The following ANO4 variants were observed in gnomAD, a reference collection of about 807,000 sequenced individuals.
ANO4 encodes anoctamin-4.
ANO4 carries 69 observed loss-of-function variants against 141.9 expected under a neutral mutation model. The ratio of observed to expected loss-of-function variants is 0.49; its 90% CI spans 0.40 to 0.59. The LOEUF (loss-of-function observed/expected upper bound fraction) is 0.59, where lower values mean the gene tolerates loss of function less well. ANO4 is among the 20% of genes least tolerant of loss of function. The pLI, the probability that ANO4 is intolerant of heterozygous loss-of-function variation, is 0.00. For synonymous variants in ANO4, 350 were observed against 394.3 expected, an observed-to-expected ratio of 0.89 and a Z score of 1.33; for missense variants, 894 against 1,162.2, an observed-to-expected ratio of 0.77 and a Z score of 3.36.
At position 100,784,970 on chromosome 12, in the gene ANO4, CTCTT is replaced by C. The variant is rs151272478; in HGVS notation, c.358+44869_358+44872del. Among the ~76,000 whole-genome samples the C allele has an allele frequency of 3.3e-3, 498 of 151,862 alleles. 2 individuals are homozygous for C. The highest frequency in any genetic ancestry group is 0.011 in the African/African-American group (471 of 41,404). On this transcript the variant is annotated intron_variant, in intron 3 of 29. Coordinates refer to the ANO4 transcript ENST00000644049. ...TTCTTTCTTCTTCTATTCTCTCTCT[CTCTT>C]TCTCTTTTTAAACAAAGCCCTTTGT... is the stretch of plus-strand genomic sequence containing the variant.
At chr12:101,006,010 A>T (rs2045856874) in intron 8 of ANO4, among the ~76,000 whole-genome samples, 6 of 152,112 alleles carry the variant, frequency 3.9e-5, no homozygotes, top group Admixed American at 3.9e-4. Flanking sequence ...TATCAAAGGT[A>T]CTGTTTGGCC....
intron 3 of ANO4, among the ~76,000 whole-genome samples, chr12:100,750,762 G>A (rs764371295): frequency 3.9e-5 from 6 of 152,110 alleles, no homozygotes; most frequent in Non-Finnish European, 7.4e-5. Context: ...GTGTCCAAAC[G>A]TTTCCACAGA....
chr12:100,945,580 A>G (rs954109913), intron 5 of ANO4, among the ~76,000 whole-genome samples: 4 of 152,316 alleles, frequency 2.6e-5, no homozygotes, highest in Non-Finnish European at 5.9e-5. Context: ...TTTTAATTCT[A>G]TGTCCATTAT....
chr12:100,793,528 C>T (rs573130247), upstream of ANO4, among the ~76,000 whole-genome samples: 10 of 151,892 alleles, frequency 6.6e-5, no homozygotes, highest in African/African-American at 2.2e-4. Flanking sequence ...TAGGTAAAAA[C>T]AGACAACTAA....
At chr12:101,091,181 T>A (rs1164175584) in intron 17 of ANO4, among the ~76,000 whole-genome samples, 2 of 152,106 alleles carry the variant, frequency 1.3e-5, no homozygotes. Flanking sequence ...TCAGCCAACA[T>A]CAAACTAGAA....
chr12:100,973,316 A>G (rs1028207002), intron 6 of ANO4, among the ~76,000 whole-genome samples: 1 of 152,230 alleles, frequency 6.6e-6, no homozygotes, highest in Non-Finnish European at 1.5e-5. Context: ...ATTTCAACAA[A>G]ATGTACAAAC....
At chr12:100,804,017 C>T (rs539393941) in intron 1 of ANO4, among the ~76,000 whole-genome samples, 43 of 151,684 alleles carry the variant, frequency 2.8e-4, no homozygotes, top group Non-Finnish European at 3.1e-4. Flanking sequence ...CATAGGTAAA[C>T]GTGTGCCAGG....
intron 1 of ANO4, among the ~76,000 whole-genome samples, chr12:100,729,360 CAAAAAAAAAAAAAAAAAA>C (rs1156522144): frequency 1.3e-4 from 3 of 22,568 alleles, no homozygotes; most frequent in Non-Finnish European, 1.7e-4. Flanking sequence ...AACTCTGTCT[CAAAAAAAAAAAAAAAAAA>C]AAAAAAAAAA....
intron 1 of ANO4, among the ~76,000 whole-genome samples, chr12:100,859,697 A>G (rs899929531): frequency 6.6e-6 from 1 of 152,200 alleles, no homozygotes; most frequent in Admixed American, 6.5e-5. Flanking sequence ...TTTGTGTTAT[A>G]TAATAGATCT....
intron 2 of ANO4, among the ~76,000 whole-genome samples, chr12:100,736,288 G>A (rs1204327685): frequency 6.6e-6 from 1 of 152,128 alleles, no homozygotes; most frequent in Non-Finnish European, 1.5e-5. Context: ...ACTTTGGGGA[G>A]CTTTCTTTTT....
In ANO4 at chr12:101,083,760, A is replaced by T. The variant is rs1276031884; in HGVS notation, c.1478A>T (p.Gln493Leu). 1.2e-6 allele frequency: 2 copies of T among 1,603,568 alleles called. No homozygotes were observed. Among genetic ancestry groups the T allele is most frequent in the Non-Finnish European group, 1.7e-6 (2 of 1,177,636 alleles). ...NPISGKPEPY[Q>L]AFTDKCSRLI... ...ATTTCTGGAAAGCCAGAACCTTATC[A>T]AGCATTTACAGATAAATGCAGCAGA... Residue 493 changes from glutamine (Q) to leucine (L), a missense_variant, in exon 16 of 28, where the codon CAA (glutamine) becomes CTA (leucine). Gln to Leu is a moderately radical substitution (Grantham distance 113). Transcript: ENST00000392977.
intron 1 of ANO4, among the ~76,000 whole-genome samples, chr12:100,799,171 G>A (rs951270077): frequency 1.2e-4 from 18 of 152,130 alleles, no homozygotes; most frequent in African/African-American, 3.6e-4. Flanking sequence ...CCAGAGGACT[G>A]TAACCCAGCC....
chr12:100,925,161 A>G (rs1369828221), intron 3 of ANO4, among the ~76,000 whole-genome samples: 1 of 152,060 alleles, frequency 6.6e-6, no homozygotes, highest in South Asian at 2.1e-4. Flanking sequence ...GGAAGGAAAG[A>G]TTTTGGGCCA....
chr12:100,880,412 TGAG>T (rs2039510067), intron 1 of ANO4, among the ~76,000 whole-genome samples: 1 of 152,192 alleles, frequency 6.6e-6, no homozygotes, highest in Non-Finnish European at 1.5e-5. Flanking sequence ...ATTTGACAGA[TGAG>T]GAGATTGAAG....
rs547633544 is a variant in ANO4, at chr12:100,856,175, G to A, written c.-140-45471G>A. 5.3e-5 allele frequency among the ~76,000 whole-genome samples: 8 copies of A among 152,222 alleles called. No individual in the cohort carries two copies. In the South Asian group the frequency reaches 1.7e-3, roughly 32 times the overall value. ...GAAAGGAGCTTGTAGGAGACTTGAA[G>A]TACTTTGCCGAAGGATTTTGGTTAT... On this transcript the variant is annotated intron_variant, in intron 1 of 27. Transcript: ENST00000392977.
intron 9 of ANO4, among the ~76,000 whole-genome samples, chr12:101,027,494 A>G (rs1460574203): frequency 1.3e-5 from 2 of 152,218 alleles, no homozygotes; most frequent in Admixed American, 6.5e-5. Flanking sequence ...ATCCATCTCT[A>G]TAACTCCAGG....
Position 101,124,738 on chromosome 12 carries a change from CA to C in ANO4, c.2677-2140del, listed in dbSNP as rs564352126. Among the ~76,000 whole-genome samples, 6 of 152,202 alleles carry C rather than the reference CA, an allele frequency of 3.9e-5. No individual in the cohort carries two copies. In the South Asian group the frequency reaches 1.2e-3, roughly 32 times the overall value. On this transcript the variant is annotated intron_variant, in intron 26 of 27. Transcript: ENST00000392977. Reference sequence around the variant, plus strand: ...TTATTAAGTAGGGAATCCTTTCCCCCATTGCTTGTTTTTGTCAGGTTTTTCA... The same window carrying C: ...TTATTAAGTAGGGAATCCTTTCCCCCTTGCTTGTTTTTGTCAGGTTTTTCA...
At chr12:100,999,287 C>T (rs1042589117) in intron 8 of ANO4, among the ~76,000 whole-genome samples, 1 of 152,238 alleles carries the variant, frequency 6.6e-6, no homozygotes, top group Admixed American at 6.5e-5. Context: ...CTACTACATT[C>T]CTTAGCCCAT....
chr12:100,968,718 TGAA>T (rs1178964192), intron 5 of ANO4, among the ~76,000 whole-genome samples: 2 of 152,196 alleles, frequency 1.3e-5, no homozygotes, highest in African/African-American at 4.8e-5. Flanking sequence ...TACTATGTAT[TGAA>T]AAGCAAGCGG....
Sources: allele counts gnomAD v4.1 joint callset (sites outside exome capture counted in the v4.1 genomes callset), GRCh38; gene constraint gnomAD v4.1.1; transcripts MANE v1.5; gene names NCBI Gene and HGNC (gene_info 2026-07-23, HGNC 2026-07-21).